CDK14: variants seen among roughly 807,000 people sequenced by gnomAD.
CDK14 encodes cyclin-dependent kinase 14.
Under a neutral mutation model 60.7 loss-of-function variants are expected in CDK14, and 34 were observed. The ratio of observed to expected loss-of-function variants is 0.56; its 90% CI spans 0.43 to 0.75. The LOEUF is 0.75. CDK14 is among the 30% of genes least tolerant of loss of function. The pLI, the probability that CDK14 is intolerant of heterozygous loss-of-function variation, is 0.00. For synonymous variants in CDK14, 197 were observed against 203.7 expected, an observed-to-expected ratio of 0.97 and a Z score of 0.28; for missense variants, 482 against 564.1, an observed-to-expected ratio of 0.85 and a Z score of 1.47.
Position 90,722,009 on chromosome 7 carries a change from C to T in CDK14, c.124-4558C>T, listed in dbSNP as rs74641318. ...CAGTGTATACTGCGTCCTCCAGAGCCCTCTTTCATTGCTAAGACCCAGGCT... is the reference window on the plus strand; with the variant it reads ...CAGTGTATACTGCGTCCTCCAGAGCTCTCTTTCATTGCTAAGACCCAGGCT... On this transcript the variant is annotated intron_variant, in intron 2 of 14. Transcript: ENST00000380050. Among the ~76,000 whole-genome samples the T allele has an allele frequency of 1.0e-2, 1,513 of 152,042 alleles. 26 individuals carry two copies. Among genetic ancestry groups the T allele is most frequent in the African/African-American group, 0.033 (1,387 of 41,464 alleles).
chr7:91,016,414 T>A (rs540725902), intron 10 of CDK14, among the ~76,000 whole-genome samples: 6 of 152,284 alleles, frequency 3.9e-5, no homozygotes, highest in Admixed American at 3.3e-4. Context: ...TGAAAAGCCA[T>A]CAAGCCATTA....
intron 11 of CDK14, among the ~76,000 whole-genome samples, chr7:91,070,611 T>C (rs1027340356): frequency 6.6e-6 from 1 of 152,072 alleles, no homozygotes; most frequent in Admixed American, 6.6e-5. Flanking sequence ...AAATTTTAAG[T>C]TAGCCAGGCA....
intron 6 of CDK14, among the ~76,000 whole-genome samples, chr7:90,881,439 A>T (rs1242706537): frequency 2.6e-5 from 4 of 152,212 alleles, no homozygotes; most frequent in Non-Finnish European, 5.9e-5. Context: ...AGTCTTCATA[A>T]AAAGACCAAA....
chr7:90,796,014 G>A (rs1475397102), intron 5 of CDK14, among the ~76,000 whole-genome samples: 1 of 152,160 alleles, frequency 6.6e-6, no homozygotes, highest in Non-Finnish European at 1.5e-5. Context: ...GCACATTAAA[G>A]GTTAGCTTCT....
chr7:90,837,391 A>G (rs1268807057), intron 5 of CDK14, among the ~76,000 whole-genome samples: 3 of 151,396 alleles, frequency 2.0e-5, no homozygotes, highest in Admixed American at 6.6e-5. Context: ...GGGTTCAAGC[A>G]GTTATCCTGC....
At chr7:91,044,302 A>G (rs1797173783) in intron 10 of CDK14, among the ~76,000 whole-genome samples, 1 of 152,212 alleles carries the variant, frequency 6.6e-6, no homozygotes, top group African/African-American at 2.4e-5. Context: ...TGCTTGGAAG[A>G]GTTATTACCT....
At chr7:90,995,782 G>A (rs17480100) in intron 10 of CDK14, among the ~76,000 whole-genome samples, 5,287 of 40,364 alleles carry the variant, frequency 0.13, 136 homozygotes, top group South Asian at 0.25. Flanking sequence ...TTAATCAGGA[G>A]TATGTCTTAG....
In CDK14 at chr7:90,621,663, T is replaced by TCCTGCCTTCCTGCCTTCCTG. The variant is rs1291538401; in HGVS notation, c.123+17417_123+17418insGCCTTCCTGCCTTCCTGCCT. On this transcript the variant is annotated intron_variant, in intron 2 of 14. Coordinates refer to ENST00000380050, the MANE Select transcript of CDK14 (RefSeq NM_001287135.2). ...TTCCTTCCTTCCTTCCTTCCTTCCT[T>TCCTGCCTTCCTGCCTTCCTG]CCTTCCTGCCTTCCTGCCTTCCTGC... Among the ~76,000 whole-genome samples, 855 of 112,374 alleles carry TCCTGCCTTCCTGCCTTCCTG rather than the reference T, an allele frequency of 7.6e-3. 2 individuals are homozygous for TCCTGCCTTCCTGCCTTCCTG. The highest frequency in any genetic ancestry group is 0.026 in the Middle Eastern group (6 of 230). 73.7% of individuals were successfully genotyped at this position (112,374 alleles called of 152,430 possible).
At chr7:90,952,439 AGC>A (rs1794290952) in intron 8 of CDK14, among the ~76,000 whole-genome samples, 1 of 152,200 alleles carries the variant, frequency 6.6e-6, no homozygotes, top group Non-Finnish European at 1.5e-5. Context: ...GTATCAGGGT[AGC>A]TCAACTTTGA....
intron 2 of CDK14, among the ~76,000 whole-genome samples, chr7:90,701,004 A>G (rs755484339): frequency 9.2e-5 from 14 of 152,312 alleles, no homozygotes; most frequent in South Asian, 6.2e-4. Context: ...TTACTTTACA[A>G]TGTCTTCTTA....
chr7:91,123,199 T>C (rs1379695005), intron 14 of CDK14, among the ~76,000 whole-genome samples: 3 of 152,194 alleles, frequency 2.0e-5, no homozygotes. Context: ...ACGGAGATAA[T>C]ATCCATCAGC....
chr7:90,835,009 T>C (rs762674615), intron 5 of CDK14, among the ~76,000 whole-genome samples: 6 of 152,054 alleles, frequency 3.9e-5, no homozygotes, highest in Non-Finnish European at 8.8e-5. Flanking sequence ...AAAAGAGGGC[T>C]CAAGTCACAG....
chr7:91,162,849 G>T (rs1801212870), intron 14 of CDK14, among the ~76,000 whole-genome samples: 1 of 152,188 alleles, frequency 6.6e-6, no homozygotes, highest in South Asian at 2.1e-4. Context: ...AGTTATAGGT[G>T]CTCTTAGGGA....
chr7:90,967,660 G>T (rs1794792514), intron 9 of CDK14, among the ~76,000 whole-genome samples: 1 of 152,102 alleles, frequency 6.6e-6, no homozygotes, highest in African/African-American at 2.4e-5. Context: ...AAAATGTGAG[G>T]TCATAATTCT....
chr7:91,087,705 A>T (rs1377211202), intron 12 of CDK14, among the ~76,000 whole-genome samples: 1 of 152,136 alleles, frequency 6.6e-6, no homozygotes, highest in Non-Finnish European at 1.5e-5. Flanking sequence ...CCGAATAAGC[A>T]ATTACTCTTG....
chr7:91,083,152 C>G (rs780651734), intron 12 of CDK14, among the ~76,000 whole-genome samples: 5 of 151,764 alleles, frequency 3.3e-5, no homozygotes, highest in African/African-American at 7.3e-5. Flanking sequence ...CTATTTACTT[C>G]AAAGTAACAA....
intron 11 of CDK14, among the ~76,000 whole-genome samples, chr7:91,078,242 G>A (rs756316666): frequency 2.9e-4 from 44 of 152,270 alleles, no homozygotes; most frequent in African/African-American, 1.1e-3. Flanking sequence ...ACTACTTAAA[G>A]GTTCATCAAT....
At chr7:90,910,192 A>G (rs1792847397) in intron 7 of CDK14, among the ~76,000 whole-genome samples, 1 of 152,224 alleles carries the variant, frequency 6.6e-6, no homozygotes, top group Non-Finnish European at 1.5e-5. Context: ...TAACCGTCTA[A>G]GTATTCTTTA....
chr7:91,149,272 TG>T (rs1316666881), intron 14 of CDK14, among the ~76,000 whole-genome samples: 9 of 151,878 alleles, frequency 5.9e-5, no homozygotes, highest in Non-Finnish European at 1.5e-5. Context: ...CCATTCACTT[TG>T]GGAGCTTCAT....
Sources: allele counts gnomAD v4.1 joint callset (sites outside exome capture counted in the v4.1 genomes callset), GRCh38; gene constraint gnomAD v4.1.1; transcripts MANE v1.5; gene names NCBI Gene and HGNC (gene_info 2026-07-23, HGNC 2026-07-21).